The following FUBP1 variants were observed in gnomAD, a reference collection of about 807,000 sequenced individuals.
FUBP1 encodes the protein far upstream element-binding protein 1.
FUBP1 carries 16 observed loss-of-function variants against 94.9 expected under a neutral mutation model. The ratio of observed to expected loss-of-function variants is 0.17; its 90% confidence interval spans 0.11 to 0.26. FUBP1 has a LOEUF of 0.26. FUBP1 is among the 10% of genes least tolerant of loss of function. The pLI, the probability that FUBP1 is intolerant of heterozygous loss-of-function variation, is 1.00. For synonymous variants in FUBP1, 279 were observed against 254.9 expected, an observed-to-expected ratio of 1.09 and a Z score of -0.90; for missense variants, 583 against 808.6, an observed-to-expected ratio of 0.72 and a Z score of 3.38.
At chr1:77,950,213 T>G (rs780559245) in intron 18 of FUBP1, among the ~76,000 whole-genome samples, 7 of 152,170 alleles carry the variant, frequency 4.6e-5, no homozygotes, top group Non-Finnish European at 8.8e-5. Context: ...CAGGCTGGAG[T>G]GCAGCGGTGC....
At chr1:77,959,921 T>G (rs1057334675) in intron 16 of FUBP1, among the ~76,000 whole-genome samples, 3 of 152,242 alleles carry the variant, frequency 2.0e-5, no homozygotes, top group Admixed American at 2.0e-4. Flanking sequence ...TATGACACTG[T>G]GCTCTTTCCT....
At chr1:77,970,162 A>G (rs1488708765) in intron 1 of FUBP1, 147 bp from the exon 2 acceptor site, 2 of 446,326 alleles carry the variant, frequency 4.5e-6, no homozygotes, top group Non-Finnish European at 8.0e-6. Flanking sequence ...TTATAGTTCA[A>G]TTTATTGCTA....
chr1:77,964,799 A>C (rs1188256174), intron 9 of FUBP1, 52 bp from the exon 10 acceptor site: 1 of 1,492,098 alleles, frequency 6.7e-7, no homozygotes, highest in Non-Finnish European at 9.4e-7. Context: ...AAACATTTTA[A>C]TTATTCATGC....
In FUBP1 at chr1:77,945,951, C is replaced by T; in HGVS notation, c.*2815G>A. 4.8e-6 allele frequency: 1 copy of T among 207,632 alleles called. No individual in the cohort carries two copies. The highest frequency in any genetic ancestry group is 9.8e-6 in the Non-Finnish European group (1 of 101,768). The allele number at this position is 207,632 out of a possible 1,614,324, so 12.9% of individuals were successfully genotyped here. On this transcript the variant is annotated 3_prime_UTR_variant, in exon 20 of 20. Coordinates refer to ENST00000370768, the MANE Select transcript of FUBP1 (RefSeq NM_003902.5). ...ATACAGTTAACATTTCACTGATGCACATGCCTTTTATCAAAACATACTGCC... is the reference window on the plus strand; with the variant it reads ...ATACAGTTAACATTTCACTGATGCATATGCCTTTTATCAAAACATACTGCC...
Position 77,964,242 on chromosome 1 carries a change from A to G in FUBP1, c.940+12T>C, listed in dbSNP as rs185660624. On this transcript the variant is annotated intron_variant, in intron 11 of 19. Coordinates refer to ENST00000370768, the MANE Select transcript of FUBP1 (RefSeq NM_003902.5). ...TGCTGCCAACACTTACAAGATTATTATATGTACTCACCTGGCTTAAACTGA... is the reference window on the plus strand; with the variant it reads ...TGCTGCCAACACTTACAAGATTATTGTATGTACTCACCTGGCTTAAACTGA... 305 of 1,568,812 alleles carry G rather than the reference A, an allele frequency of 1.9e-4. No homozygotes were observed. The highest frequency in any genetic ancestry group is 6.2e-5 in the Non-Finnish European group (71 of 1,139,314).
At chr1:77,956,731 G>A (rs1377150991) in intron 16 of FUBP1, 31 bp from the exon 17 acceptor site, 6 of 1,588,772 alleles carry the variant, frequency 3.8e-6, no homozygotes, top group Admixed American at 3.4e-5. Flanking sequence ...AGGTTTGCAT[G>A]TGAAGTCTGT....
chr1:77,956,018 C>A (rs538595236), intron 17 of FUBP1, among the ~76,000 whole-genome samples: 4 of 152,160 alleles, frequency 2.6e-5, no homozygotes, highest in Non-Finnish European at 5.9e-5. Flanking sequence ...CCTGAATATA[C>A]TCCCTGACTG....
At chr1:77,973,464 T>C (rs1396411664) in intron 1 of FUBP1, among the ~76,000 whole-genome samples, 1 of 151,348 alleles carries the variant, frequency 6.6e-6, no homozygotes, top group African/African-American at 2.4e-5. Context: ...CAGGCTGGTC[T>C]TGAACTCCTG....
chr1:77,958,051 C>T (rs530138983), intron 16 of FUBP1, among the ~76,000 whole-genome samples: 2 of 152,232 alleles, frequency 1.3e-5, no homozygotes, highest in African/African-American at 4.8e-5. Flanking sequence ...CTCAGCCTTC[C>T]GAAGTGCTAG....
intron 2 of FUBP1, among the ~76,000 whole-genome samples, chr1:77,968,824 G>C (rs1230530213): frequency 6.6e-6 from 1 of 152,002 alleles, no homozygotes; most frequent in East Asian, 1.9e-4. Flanking sequence ...TGCATACCTT[G>C]GAACAGACAA....
intron 18 of FUBP1, among the ~76,000 whole-genome samples, chr1:77,951,749 G>C (rs1653514077): frequency 6.6e-6 from 1 of 152,132 alleles, no homozygotes; most frequent in Admixed American, 6.5e-5. Flanking sequence ...AAAGATAAAA[G>C]ACTTGCTCTA....
chr1:77,967,586 C>T, intron 4 of FUBP1, 41 bp downstream of exon 4: 1 of 1,520,912 alleles, frequency 6.6e-7, no homozygotes, highest in Non-Finnish European at 9.1e-7. Context: ...ACAGCTCAAC[C>T]AAAACTTGCA....
In FUBP1 at chr1:77,945,855, A is replaced by T. The variant is rs1028938768; in HGVS notation, c.*2911T>A. 2 of 210,586 alleles carry T rather than the reference A, an allele frequency of 9.5e-6. No individual in the cohort carries two copies. The highest frequency in any genetic ancestry group is 4.5e-5 in the African/African-American group (2 of 44,086). The allele number at this position is 210,586 out of a possible 1,614,324, so 13.0% of individuals were successfully genotyped here. A position where few individuals can be genotyped will look rare whatever the true frequency, so the allele number is the denominator to read the frequency against. The stretch of plus-strand genomic sequence containing the variant: ...TTAAACTGGCAAAAAAATTAAATGC[A>T]GCGTCAGTTATTAAAATATTATTAA... On this transcript the variant is annotated 3_prime_UTR_variant, in exon 20 of 20. Transcript: ENST00000370768.
At chr1:77,964,584 G>A (rs1221731555) in intron 10 of FUBP1, 62 bp downstream of exon 10, 2 of 957,632 alleles carry the variant, frequency 2.1e-6, no homozygotes, top group Non-Finnish European at 3.4e-6. Flanking sequence ...ACACAAAACA[G>A]AAAACACTAT....
intron 6 of FUBP1, 46 bp from the exon 7 acceptor site, chr1:77,966,797 G>A (rs1334420906): frequency 5.4e-6 from 7 of 1,301,436 alleles, no homozygotes; most frequent in African/African-American, 1.5e-5. Context: ...AAGATTAAAA[G>A]TAGCATTATT....
chr1:77,971,006 C>T (rs1657415552), intron 1 of FUBP1, among the ~76,000 whole-genome samples: 1 of 151,642 alleles, frequency 6.6e-6, no homozygotes, highest in Non-Finnish European at 1.5e-5. Flanking sequence ...TCATGCCCCT[C>T]TTGGATGACA....
At chr1:77,970,621 A>C (rs944584842) in intron 1 of FUBP1, among the ~76,000 whole-genome samples, 3 of 152,218 alleles carry the variant, frequency 2.0e-5, no homozygotes, top group Non-Finnish European at 2.9e-5. Context: ...TGTTGTTCTA[A>C]GGATATATGT....
At chr1:77,977,299 T>A (rs1266982363) in intron 1 of FUBP1, among the ~76,000 whole-genome samples, 2 of 150,814 alleles carry the variant, frequency 1.3e-5, no homozygotes, top group African/African-American at 4.9e-5. Context: ...AGGTCAGGAG[T>A]TCGAGACCAG....
chr1:77,955,749 T>C (rs573023196), intron 17 of FUBP1, among the ~76,000 whole-genome samples: 8 of 151,768 alleles, frequency 5.3e-5, no homozygotes, highest in Non-Finnish European at 8.8e-5. Context: ...TGTGTGTATG[T>C]AGGTATGCAT....
Sources: gnomAD v4.1 joint callset for allele counts (sites outside exome capture counted in the v4.1 genomes callset) on GRCh38, gnomAD v4.1.1 for gene constraint, MANE v1.5 for transcripts, NCBI Gene and HGNC (gene_info 2026-07-23, HGNC 2026-07-21) for gene names.